Variants in WDR62 observed in about 807,000 individuals in gnomAD.
WDR62 encodes WD repeat-containing protein 62.
WDR62 carries 112 observed loss-of-function variants against 160.6 expected under a neutral mutation model. That is an observed-to-expected ratio of 0.70 (90% confidence interval 0.60 to 0.82). The LOEUF (loss-of-function observed/expected upper bound fraction) is 0.82, where lower values mean the gene tolerates loss of function less well. Ranked by LOEUF, WDR62 falls within the 40% of genes least tolerant of loss-of-function variation. WDR62 has a pLI of 0.00. For missense variants in WDR62, 1,819 were observed against 1,983.8 expected, an observed-to-expected ratio of 0.92 and a Z score of 1.58; for synonymous variants, 792 against 815.1, an observed-to-expected ratio of 0.97 and a Z score of 0.48.
chr19:36,092,811 G>C lies in WDR62; in HGVS notation c.2333G>C (p.Arg778Thr), dbSNP rs1246764298. 4 of 1,613,760 alleles carry C rather than the reference G, an allele frequency of 2.5e-6. No individual in the cohort carries two copies. In the African/African-American group the frequency reaches 4.0e-5, roughly 16 times the overall value. ...GACAAGAAGCGGAGTGGCCACCCCA[G>C]GTCCTGGCAGCCCCTGCCTGTCCAC... ...TNDKKRSGHP[R>T]QDTYVSTPSE... Residue 778 changes from arginine (R) to threonine (T), a missense_variant and splice_region_variant, in exon 19 of 32, where the codon AGG becomes ACG. Arg to Thr is a moderately conservative substitution (Grantham distance 71). Around this residue, in one of 3 missense-constraint regions of WDR62, gnomAD observed 934 missense variants for 1,157.2 expected, o/e 0.81. Coordinates refer to ENST00000401500, the MANE Select transcript of WDR62 (RefSeq NM_001083961.2).
At chr19:36,079,153 C>T in intron 9 of WDR62, among the ~76,000 whole-genome samples, 1 of 152,132 alleles carries the variant, frequency 6.6e-6, no homozygotes. Context: ...ATGATCACAG[C>T]TCACTGAAGC....
At chr19:36,089,441 T>A (rs1972456892) in intron 15 of WDR62, 135 bp downstream of exon 15, 1 of 1,469,252 alleles carries the variant, frequency 6.8e-7, no homozygotes, top group Non-Finnish European at 9.4e-7. Context: ...CTTCTTGGTT[T>A]TTTTTTGTTT....
At chr19:36,109,782 G>A (rs868021939), downstream of WDR62, among the ~76,000 whole-genome samples, 7 of 140,740 alleles carry the variant, frequency 5.0e-5, no homozygotes, top group Non-Finnish European at 1.1e-4. Context: ...GGTTGGGCGC[G>A]GTGGCTCACG....
At chr19:36,081,865 T>G (rs1002372828) in intron 10 of WDR62, 1 of 547,242 alleles carries the variant, frequency 1.8e-6, no homozygotes, top group Non-Finnish European at 3.5e-6. Context: ...CAGGTGAAAT[T>G]GCTTCCTAAG....
rs751546895 is a variant in WDR62, at chr19:36,100,369, G to A, written c.2740-379G>A. ...TTGATGAACTATCTGTGTAATTCACGTGTGTCCACTACCCTGGGCAAAATC... is the reference window on the plus strand; with the variant it reads ...TTGATGAACTATCTGTGTAATTCACATGTGTCCACTACCCTGGGCAAAATC... On this transcript the variant is annotated intron_variant, in intron 22 of 31. Coordinates refer to ENST00000401500, the MANE Select transcript of WDR62 (RefSeq NM_001083961.2). 9.2e-5 allele frequency among the ~76,000 whole-genome samples: 14 copies of A among 152,210 alleles called. No individual in the cohort carries two copies. The East Asian group carries it at 1.5e-3, about 17-fold the overall frequency.
At chr19:36,098,238 G>T (rs1973093132) in intron 21 of WDR62, among the ~76,000 whole-genome samples, 1 of 151,636 alleles carries the variant, frequency 6.6e-6, no homozygotes, top group African/African-American at 2.4e-5. Flanking sequence ...CTCCAGCTTG[G>T]ATGGCAGAAC....
At chr19:36,067,678 C>G in intron 6 of WDR62, 150 bp from the exon 7 acceptor site, 2 of 1,059,618 alleles carry the variant, frequency 1.9e-6, no homozygotes, top group Non-Finnish European at 2.8e-6. Context: ...TCCAGCCCCT[C>G]TGTCCAGAGT....
rs1470780343 is a variant in WDR62 at position 36,104,522 on chromosome 19, A to C, written c.4158A>C (p.Ala1386=). The change falls in exon 31 of 32, where the codon GCA becomes GCC. Residue 1386 remains alanine, a synonymous_variant. Transcript: ENST00000401500. Reference sequence around the variant, plus strand: ...ATTCCCTTCTCTCTACCCCAGGTGCACTTGGTCTGTTACAGGGCAGCCCTG... The same window carrying C: ...ATTCCCTTCTCTCTACCCCAGGTGCCCTTGGTCTGTTACAGGGCAGCCCTG... ...TASLLEPTSG[A]LGLLQGSPAR... is the part of the protein sequence containing the mutation. 6.2e-7 allele frequency: 1 copy of C among 1,613,650 alleles called. No individual in the cohort carries two copies. Among genetic ancestry groups the C allele is most frequent in the African/African-American group, 1.3e-5 (1 of 74,902 alleles).
chr19:36,098,373 C>T (rs767726112), intron 21 of WDR62, among the ~76,000 whole-genome samples: 2 of 151,514 alleles, frequency 1.3e-5, no homozygotes, highest in African/African-American at 2.4e-5. Flanking sequence ...AAGATCATCC[C>T]GGTCAACATG....
intron 9 of WDR62, among the ~76,000 whole-genome samples, chr19:36,078,513 A>G (rs1971709026): frequency 6.6e-6 from 1 of 151,788 alleles, no homozygotes; most frequent in South Asian, 2.1e-4. Flanking sequence ...CATACCTTGG[A>G]TCATTTTTTA....
intron 25 of WDR62, 78 bp downstream of exon 25, chr19:36,101,852 C>G: frequency 6.7e-7 from 1 of 1,492,982 alleles, no homozygotes; most frequent in Non-Finnish European, 9.2e-7. Context: ...AAGCACAGGC[C>G]CTGCACTTGG....
chr19:36,106,362 C>CAAAAA (rs10668126), downstream of WDR62, among the ~76,000 whole-genome samples: 1 of 115,238 alleles, frequency 8.7e-6, no homozygotes, highest in East Asian at 2.4e-4. Context: ...CAGCAAGTCT[C>CAAAAA]AAAAAAAAAA....
chr19:36,108,465 G>A (rs1973750352), downstream of WDR62, among the ~76,000 whole-genome samples: 1 of 152,008 alleles, frequency 6.6e-6, no homozygotes, highest in Non-Finnish European at 1.5e-5. Flanking sequence ...ATCCCAGTCA[G>A]GGCTGCAGGA....
rs145139871 is a variant in WDR62, at chr19:36,072,744, A to T, written c.1044-598A>T. Among the ~76,000 whole-genome samples, 5 of 152,288 alleles carry T rather than the reference A, an allele frequency of 3.3e-5. No homozygotes were observed. In the East Asian group the frequency reaches 7.7e-4, roughly 23 times the overall value. On this transcript the variant is annotated intron_variant, in intron 8 of 31. Coordinates refer to ENST00000401500, the MANE Select transcript of WDR62 (RefSeq NM_001083961.2). ...GTGTTGTGTTGTAGTAGTCGGGCTC[A>T]CAGCTCTGCTGTCTTCTGTTGTGCT...
At chr19:36,064,875 C>T (rs1970853687) in intron 3 of WDR62, among the ~76,000 whole-genome samples, 1 of 152,338 alleles carries the variant, frequency 6.6e-6, no homozygotes. Flanking sequence ...GCACCGCACC[C>T]GGCCCCCATT....
At chr19:36,069,849 C>G (rs1379726292) in intron 7 of WDR62, among the ~76,000 whole-genome samples, 5 of 152,144 alleles carry the variant, frequency 3.3e-5, no homozygotes, top group African/African-American at 1.2e-4. Context: ...AATACGAAAA[C>G]CAGTCAGGCG....
Position 36,073,526 on chromosome 19 carries a change from G to C in WDR62, c.1228G>C (p.Val410Leu). Residue 410 changes from valine to leucine, a missense_variant, in exon 9 of 32, where the codon GTG becomes CTG. Around this residue, in one of 3 missense-constraint regions of WDR62, gnomAD observed 934 missense variants for 1,157.2 expected, o/e 0.81. Coordinates refer to ENST00000401500, the MANE Select transcript of WDR62 (RefSeq NM_001083961.2). ...ELFHSSYVWNVEVYPEFEDQR... is the reference protein window; with the variant it reads ...ELFHSSYVWNLEVYPEFEDQR... ...CTTCCACAGCTCCTACGTTTGGAAC[G>C]TGGAGGTGAGCCCCCCCCCCACCCC... 1 of 1,613,054 alleles carries C rather than the reference G, an allele frequency of 6.2e-7. No individual in the cohort carries two copies. Among genetic ancestry groups the C allele is most frequent in the Non-Finnish European group, 8.5e-7 (1 of 1,179,646 alleles).
intron 26 of WDR62, chr19:36,102,440 T>C: frequency 1.7e-6 from 1 of 580,940 alleles, no homozygotes; most frequent in South Asian, 2.0e-5. Flanking sequence ...TTTTGTATTT[T>C]TAGTAGAGAT....
chr19:36,068,285 A>G (rs1568331293), intron 7 of WDR62, among the ~76,000 whole-genome samples: 1 of 152,198 alleles, frequency 6.6e-6, no homozygotes, highest in Non-Finnish European at 1.5e-5. Flanking sequence ...TTGTTTTCCC[A>G]TGACTATTTG....
Sources: gnomAD v4.1 joint callset for allele counts (sites outside exome capture counted in the v4.1 genomes callset) on GRCh38, gnomAD v4.1.1 for gene constraint, gnomAD v4.1.1 regional missense constraint, MANE v1.5 for transcripts, NCBI Gene and HGNC (gene_info 2026-07-23, HGNC 2026-07-21) for gene names.